NCOR2: variants seen among roughly 807,000 people sequenced by gnomAD.
The protein encoded by NCOR2 is nuclear receptor corepressor 2, also known as CTG repeat protein 26.
NCOR2 carries 81 observed loss-of-function variants against 262.9 expected under a neutral mutation model. The observed-to-expected ratio is 0.31, with a 90% CI of 0.26 to 0.37. The LOEUF (loss-of-function observed/expected upper bound fraction) is 0.37, where lower values mean the gene tolerates loss of function less well. Ranked by LOEUF, NCOR2 falls within the 10% of genes least tolerant of loss-of-function variation. The pLI is 1.00. For missense variants in NCOR2, 3,385 were observed against 3,621.4 expected, an observed-to-expected ratio of 0.93 and a Z score of 1.68; for synonymous variants, 1,659 against 1,559.3, an observed-to-expected ratio of 1.06 and a Z score of -1.51.
chr12:124,495,900 T>C (rs984558055), upstream of NCOR2, among the ~76,000 whole-genome samples: 9 of 151,974 alleles, frequency 5.9e-5, no homozygotes, highest in Non-Finnish European at 8.8e-5. This position sits in a 1 kb window ranked among gnomAD's most constrained non-coding sequence, Gnocchi z 4.4. Flanking sequence ...GCTGACACCA[T>C]GACATGGGAC....
At chr12:124,335,142 T>A (rs1232007867) in exon 40 of NCOR2, 1 of 1,612,082 alleles carries the variant, frequency 6.2e-7, no homozygotes, top group Non-Finnish European at 8.5e-7. Flanking sequence ...TACACTGATG[T>A]GCTGGGCCAG....
intron 16 of NCOR2, chr12:124,388,949 G>C: frequency 2.4e-6 from 1 of 423,346 alleles, no homozygotes; most frequent in Non-Finnish European, 4.0e-6. Context: ...GGGCGGGCGG[G>C]AGGCAGCTCC....
exon 11 of NCOR2, chr12:124,426,765 G>A: frequency 1.9e-6 from 3 of 1,591,606 alleles, no homozygotes; most frequent in Non-Finnish European, 2.6e-6. Flanking sequence ...GCATGGGCGG[G>A]ATCACGGCCA....
rs565524016 is a variant in NCOR2 at position 124,454,586 on chromosome 12, G to A, written c.762+2520C>T. Among the ~76,000 whole-genome samples the A allele has an allele frequency of 7.2e-5, 11 of 152,168 alleles. No homozygotes were observed. The highest frequency in any genetic ancestry group is 2.0e-4 in the Admixed American group (3 of 15,278). ...GGCCCCCGGGGACCAATCAGGAAAC[G>A]GGAGCGGGAGGACCCGGAAATCTGG... is the stretch of plus-strand genomic sequence containing the variant. On this transcript the variant is annotated intron_variant, in intron 6 of 46. Coordinates refer to ENST00000405201, the Ensembl canonical transcript of NCOR2. This position sits in a 1 kb window ranked among gnomAD's most constrained non-coding sequence, Gnocchi z 5.6.
chr12:124,369,210 G>T (rs2039284395), intron 20 of NCOR2, among the ~76,000 whole-genome samples: 1 of 152,234 alleles, frequency 6.6e-6, no homozygotes, highest in South Asian at 2.1e-4. Flanking sequence ...TAAGAGAGGG[G>T]AAGGCAGGCA....
intron 6 of NCOR2, among the ~76,000 whole-genome samples, chr12:124,452,375 C>A (rs951143672): frequency 6.6e-6 from 1 of 152,236 alleles, no homozygotes; most frequent in Non-Finnish European, 1.5e-5. Flanking sequence ...CTTAAAGGTT[C>A]GGGTTTTGGA....
chr12:124,406,401 G>A (rs940585832), intron 13 of NCOR2, among the ~76,000 whole-genome samples: 2 of 152,240 alleles, frequency 1.3e-5, no homozygotes, highest in Non-Finnish European at 2.9e-5. Context: ...TCTAACCTGC[G>A]CCAGGAGAAG....
In NCOR2 at chr12:124,454,555, C is replaced by A. The variant is rs2045731917; in HGVS notation, c.762+2551G>T. ...GGCCCTAAGACACAGGCCCTTTCCC[C>A]CAGGAGGCCCCCGGGGACCAATCAG... On this transcript the variant is annotated intron_variant, in intron 6 of 46. Coordinates refer to ENST00000405201, the Ensembl canonical transcript of NCOR2. The surrounding 1 kb of genome is among the most constrained non-coding windows in gnomAD (Gnocchi z 5.6). 6.6e-6 allele frequency among the ~76,000 whole-genome samples: 1 copy of A among 152,150 alleles called. No homozygotes were observed. The highest frequency in any genetic ancestry group is 1.5e-5 in the Non-Finnish European group (1 of 68,030).
intron 1 of NCOR2, among the ~76,000 whole-genome samples, chr12:124,567,054 G>A (rs1403492067): frequency 7.5e-6 from 1 of 133,808 alleles, no homozygotes; most frequent in South Asian, 2.7e-4. Context: ...CCACCCCAAC[G>A]CCACTTCCCT....
At chr12:124,451,027 C>T (rs530374976) in intron 6 of NCOR2, among the ~76,000 whole-genome samples, 37 of 152,394 alleles carry the variant, frequency 2.4e-4, no homozygotes, top group African/African-American at 8.9e-4. Context: ...ACCTTTCACG[C>T]CTCCCTGTAA....
chr12:124,471,176 T>C (rs2046811899), intron 4 of NCOR2, among the ~76,000 whole-genome samples: 1 of 152,234 alleles, frequency 6.6e-6, no homozygotes, highest in Non-Finnish European at 1.5e-5. Flanking sequence ...ACAGCCACGA[T>C]GGACACTTGA....
At chr12:124,430,681 C>T (rs1417901373) in exon 9 of NCOR2, 7 of 1,614,036 alleles carry the variant, frequency 4.3e-6, no homozygotes, top group East Asian at 2.2e-5. Context: ...GTAGTACTCG[C>T]GCACCTTGCT....
chr12:124,385,231 C>T (rs1349578902), intron 17 of NCOR2, among the ~76,000 whole-genome samples: 1 of 152,204 alleles, frequency 6.6e-6, no homozygotes, highest in Non-Finnish European at 1.5e-5. Context: ...CGTGGCCTGC[C>T]TCAAGCCCTC....
intron 1 of NCOR2, among the ~76,000 whole-genome samples, chr12:124,507,398 C>T (rs1055171024): frequency 6.6e-6 from 1 of 152,244 alleles, no homozygotes; most frequent in African/African-American, 2.4e-5. Flanking sequence ...AGGGAGACCT[C>T]CCTGATTGCT....
At chr12:124,430,832 G>A in intron 8 of NCOR2, 45 bp from the exon 11 acceptor site, 10 of 1,548,944 alleles carry the variant, frequency 6.5e-6, no homozygotes, top group Non-Finnish European at 8.7e-6. Flanking sequence ...CCTGCACCTG[G>A]CACCCGCCGC....
At position 124,389,535 on chromosome 12, in the gene NCOR2, C is replaced by G. The variant is rs973532110; in HGVS notation, c.1877-3648G>C. Among the ~76,000 whole-genome samples, 1 of 152,128 alleles carries G rather than the reference C, an allele frequency of 6.6e-6. No individual in the cohort carries two copies. The highest frequency in any genetic ancestry group is 1.5e-5 in the Non-Finnish European group (1 of 68,028). On this transcript the variant is annotated intron_variant, in intron 16 of 46. Transcript: ENST00000405201. The surrounding 1 kb of genome is among the most constrained non-coding windows in gnomAD (Gnocchi z 4.4). ...CCACCCCCGGCAGACAGGGAGCAAA[C>G]AGCTTCTTCCGCCATCATCCCCCGC...
In NCOR2 at chr12:124,356,745, G is replaced by T. The variant is rs1161586868; in HGVS notation, c.3138C>A (p.Pro1046=). 6 of 1,494,584 alleles carry T rather than the reference G, an allele frequency of 4.0e-6. No individual in the cohort carries two copies. In the African/African-American group the frequency reaches 8.8e-5, roughly 22 times the overall value. The allele number at this position is 1,494,584 out of a possible 1,614,324, so 92.6% of individuals were successfully genotyped here. ...AGGGCAGGCCGGAAGTCCAGCAAGG[G>T]GGGTCCCCAGGCAGCTTCTGGGCCT... Residue 1046 remains proline (P), a synonymous_variant, in exon 23 of 47, where the codon CCC becomes CCA. Coordinates refer to ENST00000405201, the Ensembl canonical transcript of NCOR2.
At chr12:124,552,922 C>T (rs897426959) in intron 1 of NCOR2, among the ~76,000 whole-genome samples, 9 of 152,276 alleles carry the variant, frequency 5.9e-5, no homozygotes, top group African/African-American at 1.2e-4. Flanking sequence ...TGGCCTCAAG[C>T]GATCCTCCCA....
At chr12:124,398,636 G>A (rs2041826495) in intron 15 of NCOR2, among the ~76,000 whole-genome samples, 1 of 152,210 alleles carries the variant, frequency 6.6e-6, no homozygotes, top group Non-Finnish European at 1.5e-5. Flanking sequence ...CCCTCTCGGA[G>A]CCCAGCTCTT....
Sources: gnomAD v4.1 joint callset for allele counts (sites outside exome capture counted in the v4.1 genomes callset) on GRCh38, gnomAD v4.1.1 for gene constraint, Gnocchi (gnomAD v3.1) non-coding constraint, MANE v1.5 for transcripts, NCBI Gene and HGNC (gene_info 2026-07-23, HGNC 2026-07-21) for gene names.